The following TSPEAR variants were observed in gnomAD, a reference collection of about 807,000 sequenced individuals.
The protein encoded by TSPEAR is thrombospondin-type laminin G domain and EAR repeat-containing protein.
Under a neutral mutation model 71.6 loss-of-function variants are expected in TSPEAR, and 69 were observed. The ratio of observed to expected loss-of-function variants is 0.96; its 90% CI spans 0.79 to 1.18. The LOEUF (loss-of-function observed/expected upper bound fraction) is 1.18. TSPEAR is among the 50% of genes most tolerant of loss of function. TSPEAR has a pLI of 0.00. For synonymous variants in TSPEAR, 402 were observed against 387.2 expected (o/e 1.04, Z -0.45); for missense variants, 971 against 894.9 (o/e 1.09, Z -1.09).
At chr21:44,542,574 C>A (rs2053237981) in intron 2 of TSPEAR, among the ~76,000 whole-genome samples, 1 of 151,506 alleles carries the variant, frequency 6.6e-6, no homozygotes. Context: ...ATAGCAAAAC[C>A]CAATCTCTAC....
intron 1 of TSPEAR, among the ~76,000 whole-genome samples, chr21:44,705,946 G>A (rs1374366827): frequency 6.6e-6 from 1 of 152,172 alleles, no homozygotes; most frequent in Non-Finnish European, 1.5e-5. Context: ...GGGCATCACA[G>A]ATCCTACCAA....
intron 10 of TSPEAR, chr21:44,508,960 C>A (rs2052275552): frequency 6.5e-7 from 1 of 1,539,668 alleles, no homozygotes; most frequent in Non-Finnish European, 8.8e-7. Context: ...GAACTCCGCA[C>A]ACAGCACCCG....
chr21:44,540,070 A>C, intron 2 of TSPEAR: 1 of 1,613,462 alleles, frequency 6.2e-7, no homozygotes, highest in South Asian at 1.1e-5. Flanking sequence ...AGTGGGGCTC[A>C]CAGCAGCTCT....
intron 1 of TSPEAR, chr21:44,627,043 GAAC>G (rs1171210600): frequency 4.6e-5 from 65 of 1,419,156 alleles, no homozygotes; most frequent in Non-Finnish European, 5.2e-5. Context: ...GTGGGCCCTG[GAAC>G]AACAAGGCCA....
intron 1 of TSPEAR, chr21:44,574,938 C>T: frequency 6.2e-7 from 1 of 1,605,792 alleles, no homozygotes; most frequent in South Asian, 1.1e-5. Context: ...CTGCTGCCGC[C>T]CAGCCTCCTG....
In TSPEAR at chr21:44,506,729, C is replaced by T. The variant is rs1039870095; in HGVS notation, c.1755-1848G>A. The T allele has an allele frequency of 9.2e-5, 14 of 152,246 alleles. No individual in the cohort carries two copies. The highest frequency in any genetic ancestry group is 3.1e-4 in the African/African-American group (13 of 41,466). The allele number at this position is 152,246 out of a possible 1,614,324, so 9.4% of individuals were successfully genotyped here. ...GGAGGCACGGCCGCGGGCCCCGGGT[C>T]AGTGTGAATCCGCGGGGTTACTCCT... On this transcript the variant is annotated intron_variant, in intron 10 of 11. Coordinates refer to ENST00000323084, the MANE Select transcript of TSPEAR (RefSeq NM_144991.3). This position sits in a 1 kb window ranked among gnomAD's most constrained non-coding sequence, Gnocchi z 4.2.
chr21:44,506,210 C>CT lies in TSPEAR; in HGVS notation c.1755-1330dup, dbSNP rs1569149901. 1.3e-5 allele frequency among the ~76,000 whole-genome samples: 2 copies of CT among 152,254 alleles called. No homozygotes were observed. Among genetic ancestry groups the CT allele is most frequent in the Non-Finnish European group, 2.9e-5 (2 of 68,042 alleles). On this transcript the variant is annotated intron_variant, in intron 10 of 11. Transcript: ENST00000323084. This position sits in a 1 kb window ranked among gnomAD's most constrained non-coding sequence, Gnocchi z 4.2. ...TGAATTTACCAAGGATGCATCTGTG[C>CT]TTGGGGATGGCTCGGTTTGAGGGGT...
chr21:44,540,227 AGTGT>A, intron 2 of TSPEAR: 1 of 1,564,818 alleles, frequency 6.4e-7, no homozygotes, highest in East Asian at 2.2e-5. Context: ...TGAGTGACTG[AGTGT>A]GTGAGTGAGT....
intron 1 of TSPEAR, chr21:44,601,195 G>A (rs1302443047): frequency 2.0e-5 from 32 of 1,597,700 alleles, no homozygotes; most frequent in Non-Finnish European, 2.4e-5. Flanking sequence ...GGCGGTCTGT[G>A]AGCCCAGCCC....
chr21:44,709,056 C>T (rs1429123941), intron 1 of TSPEAR, among the ~76,000 whole-genome samples: 1 of 152,204 alleles, frequency 6.6e-6, no homozygotes, highest in East Asian at 1.9e-4. Context: ...TGGAAAGAGA[C>T]GTGGCCGCCC....
At chr21:44,666,722 G>A in intron 1 of TSPEAR, 2 of 1,613,510 alleles carry the variant, frequency 1.2e-6, no homozygotes, top group East Asian at 2.2e-5. Context: ...TCACGGGCAG[G>A]CACACGGCTG....
At position 44,612,629 on chromosome 21, in the gene TSPEAR, G is replaced by A. The variant is rs1555931448; in HGVS notation, c.83-44624C>T. On this transcript the variant is annotated intron_variant, in intron 1 of 11. Transcript: ENST00000323084. This position sits in a 1 kb window ranked among gnomAD's most constrained non-coding sequence, Gnocchi z 4.1. ...CATCTGCTGCAAGCCCATCTGCTGT[G>A]TGCCTGTCTGCTCTGGGGCTTCCTC... is the stretch of plus-strand genomic sequence containing the variant. 1 of 1,613,618 alleles carries A rather than the reference G, an allele frequency of 6.2e-7. No individual in the cohort carries two copies.
intron 8 of TSPEAR, among the ~76,000 whole-genome samples, chr21:44,525,270 G>C (rs58101038): frequency 6.6e-6 from 1 of 152,238 alleles, no homozygotes; most frequent in African/African-American, 2.4e-5. Context: ...AGTTAGTCAA[G>C]AAGTCAGGTA....
At position 44,502,350 on chromosome 21, in the gene TSPEAR, G is replaced by A. The variant is rs3749111; in HGVS notation, c.1857-2414C>T. ...CAATTAGAACACTAGAAATCAAGGGGAAATGTTCTTTATTCTCAGAGGTAA... is the reference window on the plus strand; with the variant it reads ...CAATTAGAACACTAGAAATCAAGGGAAAATGTTCTTTATTCTCAGAGGTAA... On this transcript the variant is annotated intron_variant, in intron 11 of 11. Coordinates refer to ENST00000323084, the MANE Select transcript of TSPEAR (RefSeq NM_144991.3). Among the ~76,000 whole-genome samples, 1,169 of 152,276 alleles carry A rather than the reference G, an allele frequency of 7.7e-3. 39 individuals carry two copies. The East Asian group carries it at 0.088, about 11-fold the overall frequency.
chr21:44,666,150 G>A (rs1158779310), intron 1 of TSPEAR: 1 of 414,618 alleles, frequency 2.4e-6, no homozygotes, highest in Non-Finnish European at 4.3e-6. Flanking sequence ...AGATAGCAGG[G>A]AGTATGGAAA....
chr21:44,579,525 C>T, intron 1 of TSPEAR: 1 of 592,292 alleles, frequency 1.7e-6, no homozygotes, highest in South Asian at 2.2e-5. Flanking sequence ...GGCCAAGTGA[C>T]ATGGGGCAGA....
At chr21:44,613,717 C>T (rs1249532182) in intron 1 of TSPEAR, among the ~76,000 whole-genome samples, 1 of 152,168 alleles carries the variant, frequency 6.6e-6, no homozygotes, top group Non-Finnish European at 1.5e-5. Flanking sequence ...CAGGATTCCC[C>T]CAGGATCTTG....
intron 1 of TSPEAR, among the ~76,000 whole-genome samples, chr21:44,630,303 C>T (rs973778709): frequency 3.9e-5 from 6 of 152,168 alleles, no homozygotes; most frequent in East Asian, 1.9e-4. Flanking sequence ...TGCCTTATTT[C>T]GCCAACTCAG....
intron 1 of TSPEAR, chr21:44,637,700 TGTGTG>T (rs1569233407): frequency 2.3e-5 from 8 of 340,520 alleles, no homozygotes; most frequent in Non-Finnish European, 3.4e-5. Context: ...GCAGGCCTGC[TGTGTG>T]CCTGTCTGCT....
Sources: gnomAD v4.1 joint callset for allele counts (sites outside exome capture counted in the v4.1 genomes callset) on GRCh38, gnomAD v4.1.1 for gene constraint, Gnocchi (gnomAD v3.1) non-coding constraint, MANE v1.5 for transcripts, NCBI Gene and HGNC (gene_info 2026-07-23, HGNC 2026-07-21) for gene names.